ARB2A: variants seen among roughly 807,000 people sequenced by gnomAD.
ARB2A encodes the protein cotranscriptional regulator ARB2A.
chr5:93,874,359 A>G, the ARB2A span, among the ~76,000 whole-genome samples: 2 of 152,076 alleles, frequency 1.3e-5, no homozygotes, highest in Non-Finnish European at 1.5e-5. Flanking sequence ...TTAGGATGGG[A>G]CTGGTCACCA....
the ARB2A span, among the ~76,000 whole-genome samples, chr5:93,716,130 G>A: frequency 6.6e-6 from 1 of 152,156 alleles, no homozygotes; most frequent in African/African-American, 2.4e-5. Context: ...GGTTTAATAA[G>A]GTGAAGAGAA....
the ARB2A span, chr5:93,618,503 TAA>T: frequency 6.6e-6 from 1 of 151,938 alleles, no homozygotes; most frequent in Non-Finnish European, 1.5e-5. Context: ...AAAATATTGT[TAA>T]CACTGGCCGT....
At chr5:93,695,550 G>A in the ARB2A span, among the ~76,000 whole-genome samples, 5 of 152,318 alleles carry the variant, frequency 3.3e-5, no homozygotes, top group African/African-American at 1.2e-4. Context: ...TGCTGGAGAG[G>A]ATGTAGAGAA....
the ARB2A span, among the ~76,000 whole-genome samples, chr5:93,753,142 T>C: frequency 6.6e-6 from 1 of 152,204 alleles, no homozygotes; most frequent in South Asian, 2.1e-4. Flanking sequence ...GATTTTCAAT[T>C]ACCTGATTAA....
At chr5:94,111,668 G>A in the ARB2A span, 3 of 152,352 alleles carry the variant, frequency 2.0e-5, no homozygotes, top group African/African-American at 4.8e-5. Flanking sequence ...GTCTTCAGGA[G>A]ATTGATACGT....
chr5:93,752,329 GA>G, the ARB2A span, among the ~76,000 whole-genome samples: 1 of 152,096 alleles, frequency 6.6e-6, no homozygotes, highest in Non-Finnish European at 1.5e-5. Context: ...GCAGTAAAAG[GA>G]ATAGTGTTTC....
At chr5:93,865,771 A>G in the ARB2A span, 1 of 985,456 alleles carries the variant, frequency 1.0e-6, no homozygotes, top group South Asian at 4.7e-5. Context: ...ACTGACTATA[A>G]TGATGCATAA....
the ARB2A span, among the ~76,000 whole-genome samples, chr5:94,006,988 G>A: frequency 1.3e-5 from 2 of 152,110 alleles, no homozygotes; most frequent in Non-Finnish European, 2.9e-5. Context: ...TCACAAATCT[G>A]ATTCAATTAT....
At chr5:94,048,218 C>T in the ARB2A span, among the ~76,000 whole-genome samples, 1 of 151,990 alleles carries the variant, frequency 6.6e-6, no homozygotes, top group Non-Finnish European at 1.5e-5. Context: ...CCACACCTGG[C>T]TAATTTTTGT....
the ARB2A span, chr5:93,621,041 G>T: frequency 6.2e-7 from 1 of 1,611,766 alleles, no homozygotes; most frequent in East Asian, 2.2e-5. Flanking sequence ...CCGGCTTCAG[G>T]GAGCTGGTCT....
chr5:94,085,155 T>C, the ARB2A span, among the ~76,000 whole-genome samples: 4 of 152,236 alleles, frequency 2.6e-5, no homozygotes, highest in Non-Finnish European at 4.4e-5. Context: ...GTCCACTACC[T>C]GATCTTATAC....
the ARB2A span, chr5:94,050,745 C>T: frequency 8.1e-6 from 13 of 1,604,908 alleles, no homozygotes; most frequent in Non-Finnish European, 1.1e-5. Context: ...CCTAGAGCCT[C>T]GTATCTTTTC....
the ARB2A span, chr5:93,910,997 A>G: frequency 5.3e-5 from 8 of 151,702 alleles, no homozygotes; most frequent in South Asian, 1.7e-3. Flanking sequence ...TACATGTAAG[A>G]TAAGTAATAC....
the ARB2A span, among the ~76,000 whole-genome samples, chr5:93,870,947 G>A: frequency 6.6e-6 from 1 of 152,212 alleles, no homozygotes; most frequent in Non-Finnish European, 1.5e-5. Flanking sequence ...TAGAGCTAAA[G>A]TAGTTAACTT....
At chr5:93,939,265 T>G in the ARB2A span, among the ~76,000 whole-genome samples, 1 of 152,172 alleles carries the variant, frequency 6.6e-6, no homozygotes, top group South Asian at 2.1e-4. Flanking sequence ...TATATGTGTG[T>G]AATCATGAAT....
At chr5:93,822,637 T>C in the ARB2A span, among the ~76,000 whole-genome samples, 1 of 151,956 alleles carries the variant, frequency 6.6e-6, no homozygotes, top group Admixed American at 6.6e-5. Context: ...TAGAGATATA[T>C]ATATCTATAT....
the ARB2A span, among the ~76,000 whole-genome samples, chr5:93,788,808 C>T: frequency 1.1e-4 from 16 of 152,276 alleles, no homozygotes; most frequent in African/African-American, 3.8e-4. Flanking sequence ...AAGTCTTTGG[C>T]ATATCTCTAA....
the ARB2A span, among the ~76,000 whole-genome samples, chr5:93,644,890 T>C: frequency 5.3e-5 from 8 of 152,360 alleles, no homozygotes; most frequent in Non-Finnish European, 1.0e-4. Context: ...TATCATTATC[T>C]TTTTTGCTAA....
At chr5:93,860,194 G>A in the ARB2A span, among the ~76,000 whole-genome samples, 1 of 152,198 alleles carries the variant, frequency 6.6e-6, no homozygotes, top group Non-Finnish European at 1.5e-5. Context: ...TCAGGAGGCT[G>A]AGGCAGGAGA....
Sources: gnomAD v4.1 joint callset for allele counts (sites outside exome capture counted in the v4.1 genomes callset) on GRCh38, gnomAD v4.1.1 for gene constraint, MANE v1.5 for transcripts, NCBI Gene and HGNC (gene_info 2026-07-23, HGNC 2026-07-21) for gene names.